Variants in CTDSPL2 observed in about 807,000 individuals in gnomAD.
CTDSPL2 encodes the protein CTD small phosphatase-like protein 2.
A neutral mutation model predicts 60.0 loss-of-function variants in CTDSPL2; 5 were observed. The ratio of observed to expected loss-of-function variants is 0.08; its 90% CI spans 0.04 to 0.18. CTDSPL2 has a LOEUF of 0.18. CTDSPL2 is among the 10% of genes least tolerant of loss of function. The probability of loss-of-function intolerance (pLI) is 1.00; values close to 1 mark genes in which losing one functional copy is unlikely to be tolerated. For synonymous variants in CTDSPL2, 186 were observed against 189.3 expected, an observed-to-expected ratio of 0.98 and a Z score of 0.14; for missense variants, 370 against 548.8, an observed-to-expected ratio of 0.67 and a Z score of 3.26.
intron 1 of CTDSPL2, among the ~76,000 whole-genome samples, chr15:44,443,972 AG>A: frequency 6.6e-6 from 1 of 152,188 alleles, no homozygotes; most frequent in South Asian, 2.1e-4. Context: ...GTGCACTTGT[AG>A]CTCGCTGCAC....
intron 1 of CTDSPL2, among the ~76,000 whole-genome samples, chr15:44,439,481 G>A (rs2080040713): frequency 6.6e-6 from 1 of 151,714 alleles, no homozygotes; most frequent in African/African-American, 2.4e-5. Context: ...TACTGATACA[G>A]GTTGAGTATC....
chr15:44,449,963 C>T (rs988423888), intron 1 of CTDSPL2, among the ~76,000 whole-genome samples: 4 of 150,646 alleles, frequency 2.7e-5, no homozygotes, highest in African/African-American at 9.8e-5. Flanking sequence ...TGCACTCTTG[C>T]CTGGGTGACA....
At chr15:44,456,410 A>C (rs1219970707) in intron 1 of CTDSPL2, among the ~76,000 whole-genome samples, 1 of 152,146 alleles carries the variant, frequency 6.6e-6, no homozygotes, top group Non-Finnish European at 1.5e-5. Context: ...TTATTGCCTC[A>C]ATTTCAGCTC....
chr15:44,502,335 C>T (rs985498414), intron 8 of CTDSPL2, among the ~76,000 whole-genome samples: 4 of 151,748 alleles, frequency 2.6e-5, no homozygotes, highest in Middle Eastern at 3.2e-3. Context: ...ACTTATTTTA[C>T]GTTTTTTTTC....
chr15:44,439,398 C>T (rs1020901911), intron 1 of CTDSPL2, among the ~76,000 whole-genome samples: 2 of 152,004 alleles, frequency 1.3e-5, no homozygotes, highest in Non-Finnish European at 2.9e-5. Context: ...CTGCCTGCCC[C>T]CCCATCCCCA....
intron 8 of CTDSPL2, among the ~76,000 whole-genome samples, chr15:44,511,588 T>TCAC (rs1352213756): frequency 6.6e-6 from 1 of 152,114 alleles, no homozygotes; most frequent in Admixed American, 6.6e-5. Context: ...CTGTAATTTA[T>TCAC]CACCAGGTGT....
At position 44,499,762 on chromosome 15, in the gene CTDSPL2, A is replaced by G. The variant is rs755201522; in HGVS notation, c.918A>G (p.Leu306=). ...ETLVHCSLNE[L]EDAALTFPVL... is the part of the protein sequence containing the mutation. ...TAGTGCATTGTAGTCTAAATGAGCTAGAAGATGCAGCACTTACTTTTCCAG... is the reference window on the plus strand; with the variant it reads ...TAGTGCATTGTAGTCTAAATGAGCTGGAAGATGCAGCACTTACTTTTCCAG... Residue 306 remains leucine, a synonymous_variant, in exon 8 of 13, where the codon CTA becomes CTG. Transcript: ENST00000260327. 1 of 1,607,818 alleles carries G rather than the reference A, an allele frequency of 6.2e-7. No homozygotes were observed. The highest frequency in any genetic ancestry group is 8.5e-7 in the Non-Finnish European group (1 of 1,175,588).
rs143472544 is a variant in CTDSPL2, at chr15:44,498,997, C to G, written c.883-730C>G. On this transcript the variant is annotated intron_variant, in intron 7 of 12. Transcript: ENST00000260327. ...TTTTAATAATTAGATTCTACACTTA[C>G]ATTTGCTGATTGTAAAAAAGTAGCA... Among the ~76,000 whole-genome samples the G allele has an allele frequency of 4.6e-5, 7 of 152,308 alleles. No homozygotes were observed. The South Asian group carries it at 1.2e-3, about 27-fold the overall frequency.
chr15:44,487,173 G>T (rs2081136015), intron 4 of CTDSPL2, among the ~76,000 whole-genome samples: 1 of 152,164 alleles, frequency 6.6e-6, no homozygotes, highest in Non-Finnish European at 1.5e-5. Flanking sequence ...CTCCTTGGGA[G>T]CTGGGTGTGG....
intron 1 of CTDSPL2, among the ~76,000 whole-genome samples, chr15:44,428,342 A>G (rs1442162189): frequency 1.3e-5 from 2 of 152,206 alleles, no homozygotes; most frequent in African/African-American, 4.8e-5. Context: ...GTCCATGTGG[A>G]AGGCGTCTGG....
Position 44,519,199 on chromosome 15 carries a change from T to C in CTDSPL2, c.1143T>C (p.Cys381=), listed in dbSNP as rs1362583759. 2 of 1,534,554 alleles carry C rather than the reference T, an allele frequency of 1.3e-6. No homozygotes were observed. The highest frequency in any genetic ancestry group is 2.4e-5 in the Admixed American group (1 of 42,494). The change falls in exon 11 of 13, where the codon TGT becomes TGC. Residue 381 remains cysteine (C), a synonymous_variant. Coordinates refer to ENST00000260327, the MANE Select transcript of CTDSPL2 (RefSeq NM_016396.3). ...RHRLFREHCV[C]VQGNYIKDLN... is the part of the protein sequence containing the mutation. ...GGCTTTTCCGTGAACATTGTGTTTGTGTACAAGGAAACTATATAAAGGACT... is the reference window on the plus strand; with the variant it reads ...GGCTTTTCCGTGAACATTGTGTTTGCGTACAAGGAAACTATATAAAGGACT...
chr15:44,523,443 CAT>C (rs1356518310), intron 12 of CTDSPL2, among the ~76,000 whole-genome samples: 20 of 126,678 alleles, frequency 1.6e-4, no homozygotes, highest in Admixed American at 6.6e-4. Context: ...TACATACATA[CAT>C]AAGCAAGCAA....
chr15:44,449,702 A>G (rs2080295279), intron 1 of CTDSPL2, among the ~76,000 whole-genome samples: 1 of 152,102 alleles, frequency 6.6e-6, no homozygotes, highest in African/African-American at 2.4e-5. Flanking sequence ...TAAAAGTACA[A>G]AAAGTAGCCA....
At chr15:44,462,801 G>A (rs1441158632) in intron 2 of CTDSPL2, among the ~76,000 whole-genome samples, 1 of 150,156 alleles carries the variant, frequency 6.7e-6, no homozygotes, top group Admixed American at 6.7e-5. Context: ...CTGCCTCTTG[G>A]GTTCAAGCGA....
intron 1 of CTDSPL2, among the ~76,000 whole-genome samples, chr15:44,456,805 T>C (rs976675644): frequency 2.0e-5 from 3 of 148,384 alleles, no homozygotes; most frequent in Non-Finnish European, 4.5e-5. Flanking sequence ...TGTTTGCTCT[T>C]GCTTCTCTAG....
chr15:44,492,124 C>G (rs1399954977), intron 5 of CTDSPL2, among the ~76,000 whole-genome samples: 2 of 152,040 alleles, frequency 1.3e-5, no homozygotes, highest in Non-Finnish European at 1.5e-5. Context: ...CCACCTCGGC[C>G]TCCGAAAGTG....
chr15:44,430,164 C>G (rs187591031), intron 1 of CTDSPL2, among the ~76,000 whole-genome samples: 2 of 152,328 alleles, frequency 1.3e-5, no homozygotes, highest in Non-Finnish European at 2.9e-5. Context: ...CAGAGTCCAT[C>G]TAATTCTGGT....
intron 1 of CTDSPL2, among the ~76,000 whole-genome samples, chr15:44,449,680 C>T (rs1045401238): frequency 6.6e-6 from 1 of 152,046 alleles, no homozygotes; most frequent in Non-Finnish European, 1.5e-5. Flanking sequence ...TAAGGCGAAA[C>T]ACCATTTCTA....
chr15:44,505,069 A>G (rs1289165376), intron 8 of CTDSPL2, among the ~76,000 whole-genome samples: 4 of 152,216 alleles, frequency 2.6e-5, no homozygotes, highest in Non-Finnish European at 5.9e-5. Flanking sequence ...TCTCAAAAAT[A>G]TGGAAAAATA....
Sources: gnomAD v4.1 joint callset for allele counts (sites outside exome capture counted in the v4.1 genomes callset) on GRCh38, gnomAD v4.1.1 for gene constraint, MANE v1.5 for transcripts, NCBI Gene and HGNC (gene_info 2026-07-23, HGNC 2026-07-21) for gene names.